The following DCLK2 variants were observed in gnomAD, a reference collection of about 807,000 sequenced individuals.
DCLK2 encodes doublecortin like kinase 2, also known as serine/threonine-protein kinase DCLK2.
DCLK2 carries 31 observed loss-of-function variants against 78.4 expected under a neutral mutation model. That is an observed-to-expected ratio of 0.40 (90% CI 0.30 to 0.53). The LOEUF (loss-of-function observed/expected upper bound fraction) is 0.53. DCLK2 is among the 20% of genes least tolerant of loss of function. The probability of loss-of-function intolerance (pLI) is 0.61; values close to 1 mark genes in which losing one functional copy is unlikely to be tolerated. For missense variants in DCLK2, 872 were observed against 973.7 expected, an observed-to-expected ratio of 0.90 and a Z score of 1.39; for synonymous variants, 407 against 374.9, an observed-to-expected ratio of 1.09 and a Z score of -0.99.
At chr4:150,104,423 A>AAAAAAAAAAAAAAC in intron 2 of DCLK2, among the ~76,000 whole-genome samples, 1 of 141,140 alleles carries the variant, frequency 7.1e-6, no homozygotes, top group African/African-American at 2.6e-5. Context: ...AAAAAAAAAA[A>AAAAAAAAAAAAAAC]TCGAGCATCT....
intron 2 of DCLK2, among the ~76,000 whole-genome samples, chr4:150,134,313 C>T (rs567780529): frequency 6.6e-6 from 1 of 152,066 alleles, no homozygotes; most frequent in Non-Finnish European, 1.5e-5. Context: ...AACTTCTGAC[C>T]TCAGGTGATC....
At chr4:150,150,065 T>C (rs542025348) in intron 2 of DCLK2, among the ~76,000 whole-genome samples, 20 of 152,062 alleles carry the variant, frequency 1.3e-4, no homozygotes, top group East Asian at 1.9e-4. Flanking sequence ...GAGGTTATTT[T>C]CCCCCCCTCC....
At chr4:150,225,277 A>C (rs996864485) in intron 8 of DCLK2, among the ~76,000 whole-genome samples, 11 of 152,232 alleles carry the variant, frequency 7.2e-5, no homozygotes, top group Non-Finnish European at 1.6e-4. Flanking sequence ...TTGGAACAGA[A>C]GCTGATGCAT....
chr4:150,088,440 G>A (rs1402673463), intron 1 of DCLK2, among the ~76,000 whole-genome samples: 1 of 148,498 alleles, frequency 6.7e-6, no homozygotes, highest in East Asian at 2.0e-4. Flanking sequence ...GCTTATATAT[G>A]ACAGCCTTCA....
intron 2 of DCLK2, among the ~76,000 whole-genome samples, chr4:150,147,811 G>A (rs1734590691): frequency 6.6e-6 from 1 of 152,140 alleles, no homozygotes; most frequent in Non-Finnish European, 1.5e-5. Flanking sequence ...ATGCATTTTA[G>A]TCCTATTTTT....
At chr4:150,252,209 G>A (rs1162700646) in intron 15 of DCLK2, among the ~76,000 whole-genome samples, 1 of 152,220 alleles carries the variant, frequency 6.6e-6, no homozygotes, top group Non-Finnish European at 1.5e-5. Context: ...AGCATTGATG[G>A]ATGGGCTCAG....
In DCLK2 at chr4:150,198,054, T is replaced by C. The variant is rs1204124933; in HGVS notation, c.912T>C (p.Ser304=). ...CTCGATCCTCAGCTGTTAAGTATTCTGGATCCAAAAGCCCTGGGCCCTCTC... is the reference window on the plus strand; with the variant it reads ...CTCGATCCTCAGCTGTTAAGTATTCCGGATCCAAAAGCCCTGGGCCCTCTC... ...SYSRSSAVKY[S]GSKSPGPSRR... The change falls in exon 4 of 16, where the codon TCT becomes TCC. Residue 304 remains serine, a synonymous_variant. Transcript: ENST00000296550. 1.2e-6 allele frequency: 2 copies of C among 1,613,942 alleles called. No homozygotes were observed. Among genetic ancestry groups the C allele is most frequent in the African/African-American group, 1.3e-5 (1 of 74,916 alleles).
chr4:150,220,926 G>A (rs1741139011), intron 6 of DCLK2, 148 bp downstream of exon 6: 2 of 563,570 alleles, frequency 3.5e-6, no homozygotes, highest in Non-Finnish European at 6.2e-6. Context: ...TTAGTAAGAG[G>A]CGGGGATGGG....
intron 2 of DCLK2, among the ~76,000 whole-genome samples, chr4:150,119,129 A>G (rs191185054): frequency 1.0e-3 from 153 of 152,158 alleles, no homozygotes; most frequent in African/African-American, 3.3e-3. Context: ...TGGTTTTTCC[A>G]TGTAATCATG....
In DCLK2 at chr4:150,112,724, G is replaced by A. The variant is rs1022072735; in HGVS notation, c.756+9912G>A. 3.3e-5 allele frequency among the ~76,000 whole-genome samples: 5 copies of A among 151,652 alleles called. No individual in the cohort carries two copies. The East Asian group carries it at 5.8e-4, about 18-fold the overall frequency. ...TTTTTTTTAATTCTGTTTATGTGAT[G>A]TATCTCATTTATTGACTTGTATTTA... On this transcript the variant is annotated intron_variant, in intron 2 of 15. Transcript: ENST00000296550.
chr4:150,156,392 A>G (rs1193816930), intron 2 of DCLK2, among the ~76,000 whole-genome samples: 1 of 152,016 alleles, frequency 6.6e-6, no homozygotes, highest in Non-Finnish European at 1.5e-5. Flanking sequence ...CACGCCTATA[A>G]TCTTAGCACT....
intron 2 of DCLK2, among the ~76,000 whole-genome samples, chr4:150,157,599 A>G (rs1735403766): frequency 6.9e-6 from 1 of 144,100 alleles, no homozygotes; most frequent in African/African-American, 2.6e-5. Context: ...TGCAGCCTCC[A>G]CTTCCCGGGT....
intron 5 of DCLK2, among the ~76,000 whole-genome samples, chr4:150,207,532 A>G (rs957987175): frequency 6.6e-6 from 1 of 152,216 alleles, no homozygotes; most frequent in African/African-American, 2.4e-5. Flanking sequence ...TCCTCTCCAC[A>G]AAATGTACTC....
intron 2 of DCLK2, among the ~76,000 whole-genome samples, chr4:150,141,840 G>A (rs1289400361): frequency 1.3e-5 from 2 of 152,136 alleles, no homozygotes; most frequent in Non-Finnish European, 2.9e-5. Context: ...CCAAGACAAG[G>A]AATATTTCCT....
In DCLK2 at chr4:150,221,701, AATC is replaced by A. The variant is rs1560883834; in HGVS notation, c.1162_1164del (p.Ser388del). 3.7e-6 allele frequency: 6 copies of A among 1,601,322 alleles called. No homozygotes were observed. The highest frequency in any genetic ancestry group is 4.3e-6 in the Non-Finnish European group (5 of 1,175,538). The stretch of plus-strand genomic sequence containing the variant: ...GGTGTGAATGGAAACAGATGCTCTG[AATC>A]ATCAACTCTTCTTGAGAAATACAAA... On this transcript the variant is annotated inframe_deletion, in exon 7 of 16. Coordinates refer to ENST00000296550, the MANE Select transcript of DCLK2 (RefSeq NM_001040260.4).
intron 2 of DCLK2, among the ~76,000 whole-genome samples, chr4:150,171,782 C>T (rs745859909): frequency 6.6e-5 from 10 of 152,200 alleles, no homozygotes; most frequent in Admixed American, 2.6e-4. Context: ...AATAGCATTA[C>T]CACAACTTCC....
intron 2 of DCLK2, among the ~76,000 whole-genome samples, chr4:150,169,944 A>G (rs1736389662): frequency 6.6e-6 from 1 of 152,254 alleles, no homozygotes; most frequent in Non-Finnish European, 1.5e-5. Flanking sequence ...TTTATTTAAC[A>G]GGATGTACTT....
intron 10 of DCLK2, among the ~76,000 whole-genome samples, chr4:150,233,529 G>A (rs761909082): frequency 3.9e-5 from 6 of 152,214 alleles, no homozygotes; most frequent in Non-Finnish European, 8.8e-5. Flanking sequence ...TAGGAGACAG[G>A]AGTAGAATGT....
intron 2 of DCLK2, among the ~76,000 whole-genome samples, chr4:150,121,365 A>G (rs1198054556): frequency 6.6e-6 from 1 of 152,224 alleles, no homozygotes; most frequent in African/African-American, 2.4e-5. Flanking sequence ...AACAATGTTC[A>G]TGGCATCTAT....
Sources: allele counts gnomAD v4.1 joint callset (sites outside exome capture counted in the v4.1 genomes callset), GRCh38; gene constraint gnomAD v4.1.1; transcripts MANE v1.5; gene names NCBI Gene and HGNC (gene_info 2026-07-23, HGNC 2026-07-21).